The following NPEPPS variants were observed in gnomAD, a reference collection of about 807,000 sequenced individuals.
NPEPPS encodes the protein aminopeptidase puromycin sensitive.
In NPEPPS, 14 loss-of-function variants were observed where a neutral mutation model predicts 115.5. The observed-to-expected ratio is 0.12, with a 90% CI of 0.08 to 0.19. The LOEUF is 0.19. Ranked by LOEUF, NPEPPS falls within the 10% of genes least tolerant of loss-of-function variation. NPEPPS has a pLI of 1.00. For synonymous variants in NPEPPS, 285 were observed against 390.6 expected (o/e 0.73, Z 3.19); for missense variants, 523 against 1,110.8 (o/e 0.47, Z 7.52).
At chr17:47,603,874 T>C in intron 15 of NPEPPS, 41 bp from the exon 16 acceptor site, 1 of 1,546,526 alleles carries the variant, frequency 6.5e-7, no homozygotes, top group Non-Finnish European at 8.8e-7. Flanking sequence ...TTTAAAAAAT[T>C]AATGGAGCTG....
intron 20 of NPEPPS, among the ~76,000 whole-genome samples, chr17:47,618,664 T>G (rs1422474164): frequency 6.6e-6 from 1 of 152,196 alleles, no homozygotes; most frequent in Non-Finnish European, 1.5e-5. Flanking sequence ...AAACAAATTG[T>G]CTCTCCAGAA....
chr17:47,622,110 A>C lies in NPEPPS; in HGVS notation c.*190A>C. The stretch of plus-strand genomic sequence containing the variant: ...ATTCTATTGAAAAAGGAAAATCAGC[A>C]ATTCAGCAAAAAATAAATAAAAAAT... On this transcript the variant is annotated 3_prime_UTR_variant, in exon 23 of 23. Transcript: ENST00000322157. The C allele has an allele frequency of 7.8e-7, 1 of 1,286,484 alleles. No individual in the cohort carries two copies. The highest frequency in any genetic ancestry group is 9.9e-7 in the Non-Finnish European group (1 of 1,014,706). The allele number at this position is 1,286,484 out of a possible 1,614,324, so 79.7% of individuals were successfully genotyped here.
chr17:47,524,321 T>A (rs1316611113), intron 1 of NPEPPS, among the ~76,000 whole-genome samples: 3 of 141,026 alleles, frequency 2.1e-5, no homozygotes, highest in South Asian at 2.4e-4. Flanking sequence ...AAAAAAAAAA[T>A]AAACCAAACC....
intron 3 of NPEPPS, among the ~76,000 whole-genome samples, chr17:47,579,065 G>A (rs1468955602): frequency 1.3e-5 from 2 of 152,112 alleles, no homozygotes; most frequent in African/African-American, 4.8e-5. Flanking sequence ...AAAGCACTAT[G>A]CACAATAGCA....
At chr17:47,532,515 G>A (rs1356334581) in intron 1 of NPEPPS, among the ~76,000 whole-genome samples, 1 of 151,944 alleles carries the variant, frequency 6.6e-6, no homozygotes, top group African/African-American at 2.4e-5. Context: ...TTAGCGGGGC[G>A]TGGTGGCGGG....
chr17:47,622,357 GA>G lies in NPEPPS; in HGVS notation c.*439del. The G allele has an allele frequency of 6.2e-6, 1 of 160,414 alleles. No individual in the cohort carries two copies. Among genetic ancestry groups the G allele is most frequent in the Non-Finnish European group, 1.4e-5 (1 of 73,550 alleles). The allele number at this position is 160,414 out of a possible 1,614,324, so 9.9% of individuals were successfully genotyped here. A position where few individuals can be genotyped will look rare whatever the true frequency, so the allele number is the denominator to read the frequency against. ...AGCCAAGGGTGGTGTCCATTTCTGG[GA>G]ATGGTTAAACACAAAAGGCTGATAG... On this transcript the variant is annotated 3_prime_UTR_variant, in exon 23 of 23. Coordinates refer to ENST00000322157, the MANE Select transcript of NPEPPS (RefSeq NM_006310.4).
chr17:47,595,167 G>C (rs1366691059), intron 12 of NPEPPS, among the ~76,000 whole-genome samples: 1 of 152,072 alleles, frequency 6.6e-6, no homozygotes, highest in Admixed American at 6.6e-5. Flanking sequence ...CTGACCTCAG[G>C]TGACGTGCCC....
rs774646784 is a variant in NPEPPS at position 47,536,382 on chromosome 17, T to TTC, written c.255+4833_255+4834dup. Reference sequence around the variant, plus strand: ...ATTTTTTGCCCAAATTCTGCATATTTTCTCTCTTTTTTTTTTTTTTTTTTT... The same window carrying TTC: ...ATTTTTTGCCCAAATTCTGCATATTTTCTCTCTCTTTTTTTTTTTTTTTTTTT... On this transcript the variant is annotated intron_variant, in intron 1 of 22. Transcript: ENST00000322157. Among the ~76,000 whole-genome samples the TTC allele has an allele frequency of 1.5e-4, 20 of 134,420 alleles. No homozygotes were observed. The East Asian group carries it at 1.8e-3, about 12-fold the overall frequency. 88.2% of individuals were successfully genotyped at this position (134,420 alleles called of 152,430 possible).
intron 12 of NPEPPS, chr17:47,595,933 G>A (rs1912838069): frequency 7.4e-6 from 1 of 134,820 alleles, no homozygotes; most frequent in Non-Finnish European, 1.5e-5. Context: ...AGTGATCTTA[G>A]ATCATGGCAC....
chr17:47,523,329 C>T (rs1440878032), intron 1 of NPEPPS, among the ~76,000 whole-genome samples: 20 of 147,802 alleles, frequency 1.4e-4, no homozygotes, highest in Admixed American at 9.0e-4. Flanking sequence ...ATACTTCTTT[C>T]GATGACTTAC....
In NPEPPS at chr17:47,622,792, G is replaced by T; in HGVS notation, c.*872G>T. ...GACAATAGAAATAAAAAGATCTTCA[G>T]CCAGGCCTTTCTGAAGGAGTTATTC... On this transcript the variant is annotated 3_prime_UTR_variant, in exon 23 of 23. Transcript: ENST00000322157. The T allele has an allele frequency of 2.3e-6, 1 of 438,698 alleles. No homozygotes were observed. Among genetic ancestry groups the T allele is most frequent in the South Asian group, 1.7e-5 (1 of 60,088 alleles). The allele number at this position is 438,698 out of a possible 1,614,324, so 27.2% of individuals were successfully genotyped here.
intron 21 of NPEPPS, 170 bp from the exon 22 acceptor site, chr17:47,619,566 AG>A: frequency 1.6e-6 from 1 of 620,532 alleles, no homozygotes; most frequent in Non-Finnish European, 2.9e-6. Context: ...AAAAAAAAAA[AG>A]TTTCCTTAAA....
At chr17:47,602,365 T>G (rs995755856) in intron 15 of NPEPPS, among the ~76,000 whole-genome samples, 3 of 152,046 alleles carry the variant, frequency 2.0e-5, no homozygotes, top group African/African-American at 7.2e-5. Context: ...GGTAGCACTT[T>G]GGGAGGCCGA....
intron 3 of NPEPPS, among the ~76,000 whole-genome samples, chr17:47,573,884 A>T (rs965228720): frequency 3.3e-5 from 5 of 152,202 alleles, no homozygotes; most frequent in Non-Finnish European, 5.9e-5. Context: ...ATAGAAATTT[A>T]AAAAATTTTA....
At chr17:47,617,245 T>A (rs1469129159) in intron 19 of NPEPPS, among the ~76,000 whole-genome samples, 1 of 152,212 alleles carries the variant, frequency 6.6e-6, no homozygotes, top group Non-Finnish European at 1.5e-5. Flanking sequence ...TCAGATATTC[T>A]GCATTCAGTA....
chr17:47,585,751 G>A, intron 6 of NPEPPS, 51 bp downstream of exon 6: 1 of 1,324,830 alleles, frequency 7.5e-7, no homozygotes, highest in South Asian at 1.2e-5. Context: ...TCCAGGTTGG[G>A]GAATTTACAT....
At chr17:47,607,203 AAAAG>A (rs1004372350) in intron 17 of NPEPPS, among the ~76,000 whole-genome samples, 37 of 152,252 alleles carry the variant, frequency 2.4e-4, no homozygotes, top group Admixed American at 5.9e-4. Context: ...AAAAAAAAGA[AAAAG>A]AAAGTCGTCA....
rs1914698494 is a variant in NPEPPS, at chr17:47,623,123, GTTA to G, written c.*1207_*1209del. 2 of 247,306 alleles carry G rather than the reference GTTA, an allele frequency of 8.1e-6. No homozygotes were observed. The highest frequency in any genetic ancestry group is 2.4e-5 in the African/African-American group (1 of 41,834). 15.3% of individuals were successfully genotyped at this position (247,306 alleles called of 1,614,324 possible). A position where few individuals can be genotyped will look rare whatever the true frequency, so the allele number is the denominator to read the frequency against. On this transcript the variant is annotated 3_prime_UTR_variant, in exon 23 of 23. Coordinates refer to ENST00000322157, the MANE Select transcript of NPEPPS (RefSeq NM_006310.4). ...TTTTTTTCTTAAAAAAATATTTTGT[GTTA>G]TTAACAGAAATTCATATTTGGTGTG...
At chr17:47,530,406 G>C (rs1907654655), upstream of NPEPPS, among the ~76,000 whole-genome samples, 1 of 142,828 alleles carries the variant, frequency 7.0e-6, no homozygotes, top group Non-Finnish European at 1.5e-5. Context: ...GCCCAGGCTG[G>C]AGTGCAGTGG....
Sources: allele counts gnomAD v4.1 joint callset (sites outside exome capture counted in the v4.1 genomes callset), GRCh38; gene constraint gnomAD v4.1.1; transcripts MANE v1.5; gene names NCBI Gene and HGNC (gene_info 2026-07-23, HGNC 2026-07-21).